TAB2: variants seen among roughly 807,000 people sequenced by gnomAD.
The protein encoded by TAB2 is TGF-beta activated kinase 1 (MAP3K7) binding protein 2.
TAB2 carries 3 observed loss-of-function variants against 65.0 expected under a neutral mutation model. That is an observed-to-expected ratio of 0.05 (90% CI 0.02 to 0.12). The LOEUF (loss-of-function observed/expected upper bound fraction) is 0.12, where lower values mean the gene tolerates loss of function less well. TAB2 is among the 10% of genes least tolerant of loss of function. TAB2 has a pLI of 1.00. For missense variants in TAB2, 623 were observed against 840.3 expected (o/e 0.74, Z 3.20); for synonymous variants, 298 against 285.1 (o/e 1.05, Z -0.46).
Position 149,317,962 on chromosome 6 carries a change from AGGCGGC to A in TAB2, c.-130_-125del, listed in dbSNP as rs10611396. On this transcript the variant is annotated 5_prime_UTR_variant, in exon 1 of 7. Transcript: ENST00000637181. This position sits in a 1 kb window ranked among gnomAD's most constrained non-coding sequence, Gnocchi z 4.7. ...GTGGAGACGGCTGCCCTAGTGGGAG[AGGCGGC>A]GGCGGCGGCGGCCGAGGAGGAGGAG... is the stretch of plus-strand genomic sequence containing the variant. The A allele has an allele frequency of 2.4e-4, 39 of 165,572 alleles. No homozygotes were observed. The highest frequency in any genetic ancestry group is 8.9e-4 in the South Asian group (8 of 9,026). The allele number at this position is 165,572 out of a possible 1,614,324, so 10.3% of individuals were successfully genotyped here.
intron 1 of TAB2, among the ~76,000 whole-genome samples, chr6:149,337,740 AGTG>A (rs1193729214): frequency 2.0e-5 from 3 of 152,208 alleles, no homozygotes; most frequent in African/African-American, 7.2e-5. Flanking sequence ...AAATATTTAA[AGTG>A]GTTATATAGG....
chr6:149,278,850 G>A (rs567201111), intron 1 of TAB2, among the ~76,000 whole-genome samples: 10 of 152,158 alleles, frequency 6.6e-5, no homozygotes, highest in Non-Finnish European at 1.0e-4. Flanking sequence ...AGGCTGAGGC[G>A]GGAGGATCAC....
chr6:149,381,577 T>TC (rs1290708512), intron 3 of TAB2, among the ~76,000 whole-genome samples: 1 of 144,588 alleles, frequency 6.9e-6, no homozygotes, highest in Non-Finnish European at 1.5e-5. Context: ...TTCTTTTTTT[T>TC]TTTTTTTTTT....
At chr6:149,362,701 T>A (rs1479598035) in intron 1 of TAB2, among the ~76,000 whole-genome samples, 1 of 152,228 alleles carries the variant, frequency 6.6e-6, no homozygotes, top group Non-Finnish European at 1.5e-5. Context: ...CTATCCCATC[T>A]GGCTTGGTGT....
At chr6:149,368,321 A>G (rs489551) in intron 1 of TAB2, among the ~76,000 whole-genome samples, 55,499 of 151,956 alleles carry the variant, frequency 0.37, 10,407 homozygotes, top group East Asian at 0.6. Flanking sequence ...TTCATAAACT[A>G]AAAGTGTATA....
At chr6:149,387,110 C>G (rs1359659166) in intron 3 of TAB2, among the ~76,000 whole-genome samples, 5 of 152,054 alleles carry the variant, frequency 3.3e-5, no homozygotes, top group African/African-American at 4.8e-5. Flanking sequence ...GGCTGAAGTC[C>G]AAACTCTATG....
In TAB2 at chr6:149,317,943, ACGG is replaced by A. The variant is rs1779305629; in HGVS notation, c.-160_-158del. 6.1e-6 allele frequency: 1 copy of A among 165,100 alleles called. No individual in the cohort carries two copies. Among genetic ancestry groups the A allele is most frequent in the South Asian group, 1.1e-4 (1 of 9,152 alleles). 10.2% of individuals were successfully genotyped at this position (165,100 alleles called of 1,614,324 possible). ...CGTGGTGGCGGAGGCGACGGTGGAG[ACGG>A]CTGCCCTAGTGGGAGAGGCGGCGGC... On this transcript the variant is annotated 5_prime_UTR_variant, in exon 1 of 7. Transcript: ENST00000637181. This position sits in a 1 kb window ranked among gnomAD's most constrained non-coding sequence, Gnocchi z 4.7.
chr6:149,405,068 A>G (rs1421494084), intron 6 of TAB2, among the ~76,000 whole-genome samples: 1 of 152,220 alleles, frequency 6.6e-6, no homozygotes, highest in African/African-American at 2.4e-5. Context: ...ATCAATAGTA[A>G]TAGAAACCAA....
At chr6:149,314,459 T>A (rs1779216609), upstream of TAB2, among the ~76,000 whole-genome samples, 1 of 152,180 alleles carries the variant, frequency 6.6e-6, no homozygotes, top group South Asian at 2.1e-4. Flanking sequence ...CAGATATCGG[T>A]CCCTTTTCTG....
intron 6 of TAB2, among the ~76,000 whole-genome samples, chr6:149,404,429 G>GA (rs1416534875): frequency 6.6e-6 from 1 of 152,124 alleles, no homozygotes; most frequent in Admixed American, 6.6e-5. Context: ...TACAGAAACA[G>GA]AAAAAAATCT....
chr6:149,377,080 T>A (rs1583138300), intron 2 of TAB2, among the ~76,000 whole-genome samples: 1 of 150,424 alleles, frequency 6.6e-6, no homozygotes, highest in South Asian at 2.1e-4. Context: ...ATTTTTTTTT[T>A]TTTTTTTGAG....
intron 1 of TAB2, among the ~76,000 whole-genome samples, chr6:149,286,340 T>A (rs1195945030): frequency 6.6e-6 from 1 of 152,202 alleles, no homozygotes; most frequent in Non-Finnish European, 1.5e-5. Context: ...AAGACAACTA[T>A]TTTCTTTTTA....
chr6:149,372,697 A>C (rs1383148415), intron 2 of TAB2, among the ~76,000 whole-genome samples: 1 of 152,156 alleles, frequency 6.6e-6, no homozygotes, highest in East Asian at 1.9e-4. Context: ...GTTGATAATA[A>C]TTTAGGGTAT....
intron 6 of TAB2, among the ~76,000 whole-genome samples, chr6:149,405,058 A>G (rs1036183986): frequency 6.6e-6 from 1 of 152,230 alleles, no homozygotes; most frequent in African/African-American, 2.4e-5. Flanking sequence ...ACTCATGCAA[A>G]TCAATAGTAA....
chr6:149,352,642 C>T lies in TAB2; in HGVS notation c.-89-17267C>T, dbSNP rs529656559. The stretch of plus-strand genomic sequence containing the variant: ...TAGTCATCTTGGTTTTTGATTAGTC[C>T]CTTCCCTGCCTTTCATTTACTGTGT... On this transcript the variant is annotated intron_variant, in intron 1 of 6. Coordinates refer to ENST00000637181, the MANE Select transcript of TAB2 (RefSeq NM_001292034.3). Among the ~76,000 whole-genome samples the T allele has an allele frequency of 2.0e-5, 3 of 152,268 alleles. No homozygotes were observed. In the East Asian group the frequency reaches 5.8e-4, roughly 29 times the overall value.
chr6:149,349,034 A>G (rs1438291665), intron 1 of TAB2, among the ~76,000 whole-genome samples: 1 of 152,120 alleles, frequency 6.6e-6, no homozygotes, highest in East Asian at 1.9e-4. Context: ...AAATATGTAA[A>G]TACTACAATG....
At position 149,346,259 on chromosome 6, in the gene TAB2, C is replaced by T. The variant is rs540437288; in HGVS notation, c.-89-23650C>T. ...CCTAGTGCTATTGTGCACACGCCCA[C>T]GCATGCACGCATGCACACACACACA... is the stretch of plus-strand genomic sequence containing the variant. On this transcript the variant is annotated intron_variant, in intron 1 of 6. Coordinates refer to ENST00000637181, the MANE Select transcript of TAB2 (RefSeq NM_001292034.3). Among the ~76,000 whole-genome samples, 7 of 152,174 alleles carry T rather than the reference C, an allele frequency of 4.6e-5. No individual in the cohort carries two copies. In the East Asian group the frequency reaches 7.7e-4, roughly 17 times the overall value.
At chr6:149,302,229 A>G (rs1378077442) in intron 1 of TAB2, among the ~76,000 whole-genome samples, 1 of 152,184 alleles carries the variant, frequency 6.6e-6, no homozygotes, top group Non-Finnish European at 1.5e-5. Flanking sequence ...TAAGCATATA[A>G]CATTACATAT....
intron 1 of TAB2, among the ~76,000 whole-genome samples, chr6:149,351,932 C>T (rs1046326485): frequency 2.0e-5 from 3 of 152,100 alleles, no homozygotes; most frequent in African/African-American, 4.8e-5. Flanking sequence ...ATTTTAGAAG[C>T]GTGCATGGCT....
Sources: allele counts gnomAD v4.1 joint callset (sites outside exome capture counted in the v4.1 genomes callset), GRCh38; gene constraint gnomAD v4.1.1; non-coding constraint Gnocchi (gnomAD v3.1); transcripts MANE v1.5; gene names NCBI Gene and HGNC (gene_info 2026-07-23, HGNC 2026-07-21).